CWF19L1: variants seen among roughly 807,000 people sequenced by gnomAD.
CWF19L1 encodes CWF19 like cell cycle control factor 1.
A neutral mutation model predicts 69.7 loss-of-function variants in CWF19L1; 60 were observed. The ratio of observed to expected loss-of-function variants is 0.86; its 90% CI spans 0.70 to 1.07. CWF19L1 has a LOEUF of 1.07. Among genes scored for constraint, CWF19L1 ranks in the 50% least tolerant of loss-of-function variants. The probability of loss-of-function intolerance (pLI) is 0.00; values close to 1 mark genes in which losing one functional copy is unlikely to be tolerated. For missense variants in CWF19L1, 591 were observed against 638.9 expected, an observed-to-expected ratio of 0.92 and a Z score of 0.81; for synonymous variants, 209 against 222.2, an observed-to-expected ratio of 0.94 and a Z score of 0.53.
intron 8 of CWF19L1, 87 bp downstream of exon 8, chr10:100,246,708 A>T (rs1300018099): frequency 1.5e-6 from 2 of 1,291,738 alleles, no homozygotes; most frequent in Non-Finnish European, 2.1e-6. Context: ...AAAGATTTAG[A>T]TTCTAACGAT....
At chr10:100,247,544 AAAT>A (rs1192551630) in intron 7 of CWF19L1, among the ~76,000 whole-genome samples, 1 of 152,244 alleles carries the variant, frequency 6.6e-6, no homozygotes, top group Non-Finnish European at 1.5e-5. Flanking sequence ...CTGATTAGGG[AAAT>A]GCAACTAAGT....
At chr10:100,235,270 T>C (rs1015541860) in intron 13 of CWF19L1, among the ~76,000 whole-genome samples, 2 of 152,204 alleles carry the variant, frequency 1.3e-5, no homozygotes, top group African/African-American at 2.4e-5. Context: ...AAATGAGTCA[T>C]GTATGTGTAA....
intron 7 of CWF19L1, chr10:100,248,585 T>C (rs1015744763): frequency 3.0e-5 from 22 of 736,434 alleles, no homozygotes; most frequent in Middle Eastern, 2.9e-4. Context: ...TTGACCAGCA[T>C]TGAAGAGGAT....
At chr10:100,248,525 C>A in intron 7 of CWF19L1, 1 of 698,204 alleles carries the variant, frequency 1.4e-6, no homozygotes, top group South Asian at 1.6e-5. Flanking sequence ...TACAGAATGT[C>A]AACATCACGG....
intron 7 of CWF19L1, chr10:100,249,142 C>T (rs1846935185): frequency 2.5e-6 from 1 of 396,434 alleles, no homozygotes; most frequent in Non-Finnish European, 4.7e-6. Flanking sequence ...ACACTGTCTT[C>T]CTTCTGCCCC....
chr10:100,261,159 T>C (rs534927027), intron 2 of CWF19L1, 115 bp from the exon 3 acceptor site: 1 of 677,726 alleles, frequency 1.5e-6, no homozygotes, highest in Non-Finnish European at 2.5e-6. Context: ...TAATTCTTAA[T>C]CAATTTGCAG....
chr10:100,264,567 T>G (rs1156935219), intron 1 of CWF19L1, among the ~76,000 whole-genome samples: 1 of 146,460 alleles, frequency 6.8e-6, no homozygotes, highest in Non-Finnish European at 1.5e-5. Context: ...ATATATTCAG[T>G]ATGGTATGCT....
chr10:100,262,149 T>G, intron 1 of CWF19L1, 86 bp from the exon 2 acceptor site: 1 of 1,512,558 alleles, frequency 6.6e-7, no homozygotes, highest in Non-Finnish European at 8.8e-7. Flanking sequence ...TTGGATTAGA[T>G]AGATACATGA....
Position 100,238,180 on chromosome 10 carries a change from G to C in CWF19L1, c.1096C>G (p.Leu366Val), listed in dbSNP as rs755230520. The C allele has an allele frequency of 1.9e-6, 3 of 1,614,080 alleles. No individual in the cohort carries two copies. In the African/African-American group the frequency reaches 4.0e-5, roughly 22 times the overall value. ...ACTGACTGGTAGTGTCCAATAGGCAGGATGAGGACATGGTCATCAGATAAG... is the reference window on the plus strand; with the variant it reads ...ACTGACTGGTAGTGTCCAATAGGCACGATGAGGACATGGTCATCAGATAAG... Reference protein sequence around the residue: ...GGLSDDHVLILPIGHYQSVVE... With the variant: ...GGLSDDHVLIVPIGHYQSVVE... The change falls in exon 11 of 14, where the codon CTG becomes GTG. Residue 366 changes from leucine (L) to valine (V), a missense_variant. By Grantham distance (32) the Leu-to-Val change is conservative. This residue lies in a region of CWF19L1 where 458 missense variants were observed against 489.3 expected (regional missense o/e 0.94). Transcript: ENST00000354105.
chr10:100,267,358 G>A (rs1382174900), intron 1 of CWF19L1: 1 of 909,868 alleles, frequency 1.1e-6, no homozygotes. Flanking sequence ...CTCCGAACGA[G>A]CGTCGCCAAG....
chr10:100,233,660 G>A (rs1467728925), intron 13 of CWF19L1, among the ~76,000 whole-genome samples: 1 of 152,218 alleles, frequency 6.6e-6, no homozygotes, highest in Non-Finnish European at 1.5e-5. Context: ...GCCCTGGTGT[G>A]AGAAAGATCA....
intron 8 of CWF19L1, 88 bp downstream of exon 8, chr10:100,246,707 G>T (rs1380850634): frequency 2.3e-6 from 3 of 1,279,422 alleles, no homozygotes; most frequent in East Asian, 2.5e-5. Context: ...AAAAGATTTA[G>T]ATTCTAACGA....
intron 11 of CWF19L1, among the ~76,000 whole-genome samples, chr10:100,237,657 T>C (rs1022122683): frequency 6.6e-6 from 1 of 152,130 alleles, no homozygotes; most frequent in Admixed American, 6.5e-5. Context: ...TATATAATTT[T>C]TTTTTTAAAG....
intron 3 of CWF19L1, among the ~76,000 whole-genome samples, chr10:100,260,567 G>A (rs982810980): frequency 4.6e-5 from 7 of 151,674 alleles, no homozygotes; most frequent in African/African-American, 1.7e-4. Context: ...CTGTCGCCCA[G>A]GGTGAAGTGC....
At chr10:100,263,818 T>A (rs147707916) in intron 1 of CWF19L1, among the ~76,000 whole-genome samples, 46 of 152,360 alleles carry the variant, frequency 3.0e-4, no homozygotes, top group African/African-American at 1.1e-3. Flanking sequence ...CCTAAACTAT[T>A]CCTCTGTCAT....
intron 7 of CWF19L1, chr10:100,248,397 C>A: frequency 1.3e-6 from 1 of 758,308 alleles, no homozygotes; most frequent in Non-Finnish European, 2.4e-6. Flanking sequence ...CCATGGAGTA[C>A]AGAACACTGT....
In CWF19L1 at chr10:100,245,700, C is replaced by T. The variant is rs1423917590; in HGVS notation, c.964+99G>A. ...CTAATGACTCATTGCACAATTCTCC[C>T]CTGCCAGAAGAGGCTCTCTTAGCAA... On this transcript the variant is annotated intron_variant, in intron 9 of 13. Transcript: ENST00000354105. The T allele has an allele frequency of 3.6e-6, 3 of 839,710 alleles. 1 individual carries two copies. The highest frequency in any genetic ancestry group is 3.9e-6 in the Non-Finnish European group (2 of 508,444). The allele number at this position is 839,710 out of a possible 1,614,324, so 52.0% of individuals were successfully genotyped here.
chr10:100,243,251 G>C (rs755542809), intron 10 of CWF19L1, among the ~76,000 whole-genome samples: 1 of 152,126 alleles, frequency 6.6e-6, no homozygotes, highest in African/African-American at 2.4e-5. Context: ...AACAGATATA[G>C]ACGAAATGTG....
chr10:100,259,908 T>C (rs1473965443), intron 4 of CWF19L1, among the ~76,000 whole-genome samples: 8 of 152,176 alleles, frequency 5.3e-5, no homozygotes, highest in Non-Finnish European at 8.8e-5. Context: ...GGCTCACGCC[T>C]GTAATCCCAG....
Sources: allele counts gnomAD v4.1 joint callset (sites outside exome capture counted in the v4.1 genomes callset), GRCh38; gene constraint gnomAD v4.1.1; regional missense constraint gnomAD v4.1.1; transcripts MANE v1.5; gene names NCBI Gene and HGNC (gene_info 2026-07-23, HGNC 2026-07-21).